Variants in TAFA4 observed in about 807,000 individuals in gnomAD.
The protein encoded by TAFA4 is chemokine-like protein TAFA-4.
Under a neutral mutation model 21.1 loss-of-function variants are expected in TAFA4, and 20 were observed. That is an observed-to-expected ratio of 0.95 (90% CI 0.67 to 1.38). TAFA4 has a LOEUF of 1.38. Ranked by LOEUF, TAFA4 falls within the 40% of genes most tolerant of loss-of-function variation. The pLI is 0.00. For synonymous variants in TAFA4, 71 were observed against 67.4 expected (o/e 1.05, Z -0.26); for missense variants, 211 against 180.9 (o/e 1.17, Z -0.95).
Position 68,821,504 on chromosome 3 carries a change from C to T in TAFA4, c.130+59226G>A, listed in dbSNP as rs562237287. Reference sequence around the variant, plus strand: ...CTGGGACTACAGGCGCCCGCCACCTCGCCCGGCTAATTTTTTGTATTTTTA... The same window carrying T: ...CTGGGACTACAGGCGCCCGCCACCTTGCCCGGCTAATTTTTTGTATTTTTA... On this transcript the variant is annotated intron_variant, in intron 3 of 5. Coordinates refer to ENST00000295569, the MANE Select transcript of TAFA4 (RefSeq NM_182522.5). Among the ~76,000 whole-genome samples the T allele has an allele frequency of 1.6e-4, 8 of 48,576 alleles. 4 individuals are homozygous for T. The South Asian group carries it at 0.011, about 64-fold the overall frequency. The allele number at this position is 48,576 out of a possible 152,430, so 31.9% of individuals were successfully genotyped here.
At chr3:68,781,275 G>GA (rs758457224) in intron 3 of TAFA4, among the ~76,000 whole-genome samples, 5 of 150,478 alleles carry the variant, frequency 3.3e-5, no homozygotes, top group African/African-American at 1.2e-4. Flanking sequence ...GCAAAAAATG[G>GA]AAAAAAATAA....
rs2090132439 is a variant in TAFA4 at position 68,928,728 on chromosome 3, C to A, written c.-123+3512G>T. Among the ~76,000 whole-genome samples, 3 of 152,106 alleles carry A rather than the reference C, an allele frequency of 2.0e-5. No homozygotes were observed. In the South Asian group the frequency reaches 6.2e-4, roughly 32 times the overall value. On this transcript the variant is annotated intron_variant, in intron 1 of 5. Transcript: ENST00000295569. ...TGGTGCAAGAAGCCAATGTGGCCCT[C>A]CTCCGCAGAGACAGCCAAGGGAAGG...
intron 2 of TAFA4, among the ~76,000 whole-genome samples, chr3:68,884,208 G>C (rs905985089): frequency 6.6e-6 from 1 of 152,212 alleles, no homozygotes; most frequent in Admixed American, 6.5e-5. Context: ...TATATTGAGG[G>C]CTGGAGGGCC....
chr3:68,877,153 G>A (rs1575653988), intron 3 of TAFA4, among the ~76,000 whole-genome samples: 1 of 152,166 alleles, frequency 6.6e-6, no homozygotes, highest in African/African-American at 2.4e-5. Context: ...GAGGTCAGGA[G>A]TTCGAGACCA....
intron 3 of TAFA4, among the ~76,000 whole-genome samples, chr3:68,819,735 A>C (rs1483420055): frequency 6.6e-6 from 1 of 152,218 alleles, no homozygotes; most frequent in Non-Finnish European, 1.5e-5. Flanking sequence ...AGCCACAGTA[A>C]GATATCCCTT....
intron 3 of TAFA4, among the ~76,000 whole-genome samples, chr3:68,815,407 C>G (rs1005308819): frequency 6.6e-6 from 1 of 152,112 alleles, no homozygotes; most frequent in African/African-American, 2.4e-5. Context: ...TTTTTGCAAT[C>G]TACTCATCTG....
chr3:68,760,492 T>A lies in TAFA4; in HGVS notation c.131-7474A>T, dbSNP rs1014431658. Among the ~76,000 whole-genome samples the A allele has an allele frequency of 3.8e-4, 58 of 152,184 alleles. 2 individuals are homozygous for A. The highest frequency in any genetic ancestry group is 2.9e-5 in the Non-Finnish European group (2 of 68,036). ...TTTCCCTTGCATCCTTCTCCTTTTG[T>A]TGAAATCCTTTTTCCCCTTCCTCCT... On this transcript the variant is annotated intron_variant, in intron 3 of 5. Transcript: ENST00000295569.
intron 3 of TAFA4, among the ~76,000 whole-genome samples, chr3:68,833,188 C>G (rs1704441344): frequency 6.6e-6 from 1 of 152,226 alleles, no homozygotes. Context: ...CCTGCTTAAG[C>G]TTGCCTTCTG....
chr3:68,806,948 GC>G (rs901926934), intron 3 of TAFA4, among the ~76,000 whole-genome samples: 13 of 152,182 alleles, frequency 8.5e-5, no homozygotes. Flanking sequence ...TTTACTGAGT[GC>G]TAACATGTAC....
intron 1 of TAFA4, among the ~76,000 whole-genome samples, chr3:68,886,401 T>C (rs1323514722): frequency 6.6e-6 from 1 of 152,188 alleles, no homozygotes; most frequent in East Asian, 1.9e-4. Context: ...TCCCAGATCC[T>C]CCAACTTTAT....
At chr3:68,921,233 G>GT (rs993272570) in intron 1 of TAFA4, among the ~76,000 whole-genome samples, 14 of 152,144 alleles carry the variant, frequency 9.2e-5, no homozygotes, top group African/African-American at 3.4e-4. Context: ...GACGAAGGAG[G>GT]TTAAATGACT....
intron 3 of TAFA4, among the ~76,000 whole-genome samples, chr3:68,813,718 G>A (rs1201930257): frequency 6.6e-6 from 1 of 152,108 alleles, no homozygotes; most frequent in Non-Finnish European, 1.5e-5. Flanking sequence ...TGGATTCACA[G>A]CCGAATTCTA....
intron 1 of TAFA4, among the ~76,000 whole-genome samples, chr3:68,906,051 C>T (rs1307635275): frequency 6.6e-6 from 1 of 152,090 alleles, no homozygotes; most frequent in African/African-American, 2.4e-5. Context: ...AAGTAAATTC[C>T]CATCTGAGGA....
intron 3 of TAFA4, among the ~76,000 whole-genome samples, chr3:68,779,322 T>C (rs962490782): frequency 2.0e-5 from 3 of 152,166 alleles, no homozygotes; most frequent in African/African-American, 7.2e-5. Flanking sequence ...TCCCATTTTC[T>C]GAGGAAAAAT....
intron 1 of TAFA4, among the ~76,000 whole-genome samples, chr3:68,924,599 TG>T (rs1229468833): frequency 2.0e-5 from 3 of 152,190 alleles, no homozygotes; most frequent in African/African-American, 7.2e-5. Flanking sequence ...GCCACTGAAA[TG>T]TACACTTGAA....
chr3:68,795,424 C>T (rs1703437617), intron 3 of TAFA4, among the ~76,000 whole-genome samples: 2 of 152,050 alleles, frequency 1.3e-5, no homozygotes, highest in Non-Finnish European at 2.9e-5. Context: ...TGACCCCAAC[C>T]TAAGATGGCC....
intron 3 of TAFA4, among the ~76,000 whole-genome samples, chr3:68,766,013 G>A (rs1184469206): frequency 6.6e-6 from 1 of 152,132 alleles, no homozygotes; most frequent in East Asian, 1.9e-4. Context: ...AATGCTGGGA[G>A]AAAGTCTCCA....
intron 3 of TAFA4, among the ~76,000 whole-genome samples, chr3:68,799,469 T>A (rs1703525421): frequency 6.6e-6 from 1 of 152,134 alleles, no homozygotes; most frequent in Admixed American, 6.5e-5. Flanking sequence ...GGTTAGGATT[T>A]CAACACATGA....
intron 1 of TAFA4, among the ~76,000 whole-genome samples, chr3:68,905,217 G>GC (rs2106992109): frequency 6.8e-6 from 1 of 147,172 alleles, no homozygotes; most frequent in Non-Finnish European, 1.5e-5. Context: ...TGCAAGTGGT[G>GC]CGATCTCGGC....
Sources: gnomAD v4.1 joint callset for allele counts (sites outside exome capture counted in the v4.1 genomes callset) on GRCh38, gnomAD v4.1.1 for gene constraint, MANE v1.5 for transcripts, NCBI Gene and HGNC (gene_info 2026-07-23, HGNC 2026-07-21) for gene names.